SYTL2: variants seen among roughly 807,000 people sequenced by gnomAD.
The protein encoded by SYTL2 is synaptotagmin-like protein 2.
SYTL2 carries 165 observed loss-of-function variants against 198.7 expected under a neutral mutation model. The ratio of observed to expected loss-of-function variants is 0.83; its 90% CI spans 0.73 to 0.94. SYTL2 has a LOEUF of 0.94. SYTL2 is among the 40% of genes least tolerant of loss of function. The probability of loss-of-function intolerance (pLI) is 0.00; values close to 1 mark genes in which losing one functional copy is unlikely to be tolerated. For synonymous variants in SYTL2, 966 were observed against 917.7 expected (o/e 1.05, Z -0.95); for missense variants, 2,835 against 2,582.8 (o/e 1.10, Z -2.12).
At chr11:85,746,812 C>A (rs1009583123) in intron 3 of SYTL2, among the ~76,000 whole-genome samples, 7 of 152,192 alleles carry the variant, frequency 4.6e-5, no homozygotes, top group African/African-American at 1.7e-4. Flanking sequence ...AGCAGTCAGT[C>A]CTTTTCTGCA....
In SYTL2 at chr11:85,734,206, T is replaced by G; in HGVS notation, c.1123A>C (p.Thr375Pro). 3 of 1,614,232 alleles carry G rather than the reference T, an allele frequency of 1.9e-6. No homozygotes were observed. Among genetic ancestry groups the G allele is most frequent in the Non-Finnish European group, 8.5e-7 (1 of 1,180,022 alleles). ...LKNGMEDAGD[T>P]EEFQSDPKPS... ...TTAGGGTCACTCTGAAACTCTTCTGTGTCCCCTGCATCTTCCATTCCATTT... is the reference window on the plus strand; with the variant it reads ...TTAGGGTCACTCTGAAACTCTTCTGGGTCCCCTGCATCTTCCATTCCATTT... Residue 375 changes from threonine (T) to proline (P), a missense_variant, in exon 7 of 20, where the codon ACA (threonine) becomes CCA (proline). This residue lies in a region of SYTL2 where 2,645 missense variants were observed against 2,381.7 expected (regional missense o/e 1.11). Coordinates refer to ENST00000359152, the MANE Select transcript of SYTL2 (RefSeq NM_206927.4).
chr11:85,809,065 G>A lies in SYTL2; in HGVS notation c.-390+1889C>T, dbSNP rs888041216. On this transcript the variant is annotated intron_variant, in intron 1 of 19. Coordinates refer to ENST00000359152, the MANE Select transcript of SYTL2 (RefSeq NM_206927.4). ...GACTAGCATCTGGGTTTTGAAGATGGTGGAACCTGGGCTTCCCCTAGGCTG... is the reference window on the plus strand; with the variant it reads ...GACTAGCATCTGGGTTTTGAAGATGATGGAACCTGGGCTTCCCCTAGGCTG... Among the ~76,000 whole-genome samples the A allele has an allele frequency of 2.8e-4, 42 of 152,200 alleles. 1 individual carries two copies. The highest frequency in any genetic ancestry group is 8.5e-4 in the Admixed American group (13 of 15,282).
At position 85,724,416 on chromosome 11, in the gene SYTL2, A is replaced by G; in HGVS notation, c.4942T>C (p.Leu1648=). ...MLGGDALVTD[L]LVDFCGSRSG... is the part of the protein sequence containing the mutation. The stretch of plus-strand genomic sequence containing the variant: ...CTGGAACCACAAAAATCTACCAATA[A>G]ATCAGTCACAAGTGCGTCTCCTCCC... Residue 1648 remains leucine, a synonymous_variant, in exon 8 of 20, where the codon TTA becomes CTA. Transcript: ENST00000359152. The G allele has an allele frequency of 1.2e-6, 2 of 1,603,566 alleles. No individual in the cohort carries two copies. Among genetic ancestry groups the G allele is most frequent in the Non-Finnish European group, 1.7e-6 (2 of 1,175,892 alleles).
chr11:85,708,921 C>A (rs770280412), intron 14 of SYTL2, among the ~76,000 whole-genome samples: 1 of 144,108 alleles, frequency 6.9e-6, no homozygotes, highest in Admixed American at 7.2e-5. Context: ...TCTCAGCTCA[C>A]TGCAAGCTCC....
the SYTL2 span, among the ~76,000 whole-genome samples, chr11:85,843,047 G>A: frequency 6.6e-6 from 1 of 152,196 alleles, no homozygotes; most frequent in Admixed American, 6.5e-5. Context: ...GAAACTTGAA[G>A]CTTGTTTAGA....
At chr11:85,776,292 G>A (rs1308112610) in intron 1 of SYTL2, among the ~76,000 whole-genome samples, 4 of 152,160 alleles carry the variant, frequency 2.6e-5, no homozygotes, top group Non-Finnish European at 5.9e-5. Flanking sequence ...TGGATTACAT[G>A]TGCAGAACAT....
the SYTL2 span, among the ~76,000 whole-genome samples, chr11:85,841,399 G>C: frequency 6.6e-6 from 1 of 152,184 alleles, no homozygotes; most frequent in South Asian, 2.1e-4. Flanking sequence ...ATTCACAATG[G>C]CAAAGACATG....
At chr11:85,843,274 A>C in the SYTL2 span, among the ~76,000 whole-genome samples, 2 of 152,330 alleles carry the variant, frequency 1.3e-5, no homozygotes, top group African/African-American at 4.8e-5. Context: ...AGGCTGAGGC[A>C]GAAGAATTAC....
intron 1 of SYTL2, among the ~76,000 whole-genome samples, chr11:85,783,602 G>A (rs2092595387): frequency 6.6e-6 from 1 of 152,072 alleles, no homozygotes. Flanking sequence ...GAATATTCTA[G>A]GCACGGTTTT....
At chr11:85,736,204 G>C (rs976119210) in intron 6 of SYTL2, among the ~76,000 whole-genome samples, 6 of 152,186 alleles carry the variant, frequency 3.9e-5, no homozygotes, top group Non-Finnish European at 8.8e-5. Flanking sequence ...CTGTTAAGTG[G>C]AAGACTGAAT....
intron 1 of SYTL2, among the ~76,000 whole-genome samples, chr11:85,764,567 C>T (rs1037332975): frequency 1.3e-5 from 2 of 152,212 alleles, no homozygotes; most frequent in Non-Finnish European, 2.9e-5. Flanking sequence ...GACACTAGAA[C>T]CCAAGTTTCC....
chr11:85,843,436 T>C, the SYTL2 span, among the ~76,000 whole-genome samples: 23 of 151,874 alleles, frequency 1.5e-4, no homozygotes, highest in African/African-American at 5.1e-4. Context: ...AAAAGCTAAG[T>C]GGAGGCTGGT....
intron 4 of SYTL2, among the ~76,000 whole-genome samples, chr11:85,744,593 A>C (rs1025484596): frequency 1.2e-4 from 18 of 152,202 alleles, no homozygotes; most frequent in Non-Finnish European, 2.6e-4. Context: ...CTCATATTTG[A>C]CTTTAAAATA....
At chr11:85,848,650 T>G in the SYTL2 span, among the ~76,000 whole-genome samples, 5 of 152,378 alleles carry the variant, frequency 3.3e-5, no homozygotes, top group East Asian at 9.6e-4. Context: ...TCTATTGGTC[T>G]ATATGTTTGT....
intron 11 of SYTL2, chr11:85,716,259 G>C (rs1388539486): frequency 6.6e-6 from 1 of 152,144 alleles, no homozygotes; most frequent in Non-Finnish European, 1.5e-5. Context: ...TAGTTCAAAA[G>C]TAACTGGAAA....
intron 1 of SYTL2, among the ~76,000 whole-genome samples, chr11:85,786,364 T>C (rs1052395762): frequency 5.3e-5 from 8 of 152,220 alleles, no homozygotes; most frequent in East Asian, 1.9e-4. Flanking sequence ...TGTGATAAAA[T>C]TGTATACAAC....
chr11:85,728,065 C>A, intron 7 of SYTL2, 98 bp from the exon 8 acceptor site: 1 of 1,060,584 alleles, frequency 9.4e-7, no homozygotes, highest in South Asian at 1.7e-5. Context: ...TTTGTATTTG[C>A]ACTTTCTATA....
the SYTL2 span, among the ~76,000 whole-genome samples, chr11:85,826,655 G>C: frequency 6.6e-6 from 1 of 152,204 alleles, no homozygotes. Flanking sequence ...TACTTGCTGA[G>C]CCTCTAACGG....
At position 85,734,707 on chromosome 11, in the gene SYTL2, C is replaced by G; in HGVS notation, c.622G>C (p.Ala208Pro). ...LSESKEKSTV[A>P]DTSIQKLEKS... The stretch of plus-strand genomic sequence containing the variant: ...TCTAACTTTTGGATTGAAGTATCTG[C>G]GACAGTTGACTTTTCTTTTGACTCT... The change falls in exon 7 of 20, where the codon GCA becomes CCA. Residue 208 changes from alanine (A) to proline (P), a missense_variant. Transcript: ENST00000359152. 1 of 1,613,294 alleles carries G rather than the reference C, an allele frequency of 6.2e-7. No homozygotes were observed. The highest frequency in any genetic ancestry group is 8.5e-7 in the Non-Finnish European group (1 of 1,179,798).
Sources: gnomAD v4.1 joint callset for allele counts (sites outside exome capture counted in the v4.1 genomes callset) on GRCh38, gnomAD v4.1.1 for gene constraint, gnomAD v4.1.1 regional missense constraint, MANE v1.5 for transcripts, NCBI Gene and HGNC (gene_info 2026-07-23, HGNC 2026-07-21) for gene names.